The following MCF2L variants were observed in gnomAD, a reference collection of about 807,000 sequenced individuals.
MCF2L encodes the protein guanine nucleotide exchange factor DBS.
In MCF2L, 97 loss-of-function variants were observed where a neutral mutation model predicts 153.4. That is an observed-to-expected ratio of 0.63 (90% CI 0.54 to 0.75). The LOEUF is 0.75. Ranked by LOEUF, MCF2L falls within the 30% of genes least tolerant of loss-of-function variation. MCF2L has a pLI of 0.00. For missense variants in MCF2L, 1,347 were observed against 1,495.2 expected (o/e 0.90, Z 1.64); for synonymous variants, 659 against 632.2 (o/e 1.04, Z -0.64).
chr13:112,931,844 C>T (rs1033448192), intron 2 of MCF2L, among the ~76,000 whole-genome samples: 5 of 152,130 alleles, frequency 3.3e-5, no homozygotes, highest in East Asian at 1.9e-4. Context: ...GCAGGAACCA[C>T]CGAACACTCC....
At chr13:112,962,184 CGCATGCACAA>C (rs2081837974) in intron 2 of MCF2L, among the ~76,000 whole-genome samples, 1 of 150,920 alleles carries the variant, frequency 6.6e-6, no homozygotes, top group Non-Finnish European at 1.5e-5. Flanking sequence ...TGCACACACA[CGCATGCACAA>C]ACATGCTCAC....
chr13:113,000,812 G>A (rs1320673226), intron 1 of MCF2L, among the ~76,000 whole-genome samples: 7 of 152,334 alleles, frequency 4.6e-5, no homozygotes, highest in African/African-American at 7.2e-5. Context: ...GGAGAAAGGC[G>A]CCGGAAGAGG....
chr13:112,908,582 C>T (rs2081196134), intron 2 of MCF2L, among the ~76,000 whole-genome samples: 1 of 152,128 alleles, frequency 6.6e-6, no homozygotes, highest in African/African-American at 2.4e-5. Flanking sequence ...GGGGTTTCTG[C>T]CTGAGTGCTC....
chr13:112,928,892 C>T (rs887416542), intron 2 of MCF2L, among the ~76,000 whole-genome samples: 3 of 152,216 alleles, frequency 2.0e-5, no homozygotes, highest in Non-Finnish European at 2.9e-5. Context: ...GAGGTCTGCG[C>T]CTCCTCCCAG....
chr13:113,007,943 G>T (rs1332296366), intron 1 of MCF2L, among the ~76,000 whole-genome samples: 7 of 138,322 alleles, frequency 5.1e-5, no homozygotes, highest in Non-Finnish European at 6.1e-5. Flanking sequence ...TTGAGATGGA[G>T]TCTCGCTCTG....
chr13:112,937,776 G>T (rs1433473404), intron 2 of MCF2L, among the ~76,000 whole-genome samples: 3 of 151,578 alleles, frequency 2.0e-5, no homozygotes, highest in African/African-American at 7.3e-5. Context: ...TGAGGGGTTG[G>T]TTCAGGTGAG....
rs1332243236 is a variant in MCF2L, at chr13:112,993,969, A to G, written c.80-20794A>G. On this transcript the variant is annotated intron_variant, in intron 1 of 29. Transcript: ENST00000535094. The surrounding 1 kb of genome is among the most constrained non-coding windows in gnomAD (Gnocchi z 4.6). ...TCACAACAGCAGCAAACACACCTTC[A>G]TTTTAAAGACAGCAGAGGAGGGGTG... Among the ~76,000 whole-genome samples the G allele has an allele frequency of 1.9e-5, 2 of 102,914 alleles. No homozygotes were observed. Among genetic ancestry groups the G allele is most frequent in the African/African-American group, 3.8e-5 (1 of 26,432 alleles). The allele number at this position is 102,914 out of a possible 152,430, so 67.5% of individuals were successfully genotyped here. A position where few individuals can be genotyped will look rare whatever the true frequency, so the allele number is the denominator to read the frequency against.
At chr13:112,928,295 T>C (rs1352294172) in intron 2 of MCF2L, among the ~76,000 whole-genome samples, 1 of 152,234 alleles carries the variant, frequency 6.6e-6, no homozygotes, top group Non-Finnish European at 1.5e-5. Flanking sequence ...TTCTATGATT[T>C]AAAGAAAACT....
chr13:113,007,751 C>T (rs1018396661), intron 1 of MCF2L, among the ~76,000 whole-genome samples: 7 of 152,256 alleles, frequency 4.6e-5, no homozygotes, highest in South Asian at 2.1e-4. Flanking sequence ...CCACTTCAGG[C>T]GGCTCTGTGT....
intron 9 of MCF2L, among the ~76,000 whole-genome samples, chr13:113,072,351 C>T (rs1242017201): frequency 6.6e-6 from 1 of 152,176 alleles, no homozygotes; most frequent in Non-Finnish European, 1.5e-5. Context: ...CACCCTGCCC[C>T]ACTGCGTACT....
intron 1 of MCF2L, among the ~76,000 whole-genome samples, chr13:112,986,527 CA>C (rs1288043855): frequency 7.9e-5 from 12 of 152,250 alleles, no homozygotes; most frequent in Non-Finnish European, 1.2e-4. Flanking sequence ...ACCCACCGCA[CA>C]GGGGTGTTTA....
At chr13:113,094,779 C>T (rs2035509639) in intron 27 of MCF2L, 144 bp downstream of exon 27, 2 of 1,180,946 alleles carry the variant, frequency 1.7e-6, no homozygotes, top group Non-Finnish European at 1.2e-6. Flanking sequence ...GGGCCTGGGT[C>T]TTACGGGCAG....
At chr13:113,020,120 C>T (rs1316935604) in intron 2 of MCF2L, among the ~76,000 whole-genome samples, 1 of 152,234 alleles carries the variant, frequency 6.6e-6, no homozygotes, top group African/African-American at 2.4e-5. Context: ...GTCATCTCCA[C>T]ACTGGCAGGA....
chr13:113,058,190 T>C, intron 4 of MCF2L, among the ~76,000 whole-genome samples: 1 of 149,790 alleles, frequency 6.7e-6, no homozygotes, highest in Admixed American at 6.6e-5. Flanking sequence ...GGGCACTATG[T>C]GGGCATTGAG....
intron 2 of MCF2L, among the ~76,000 whole-genome samples, chr13:112,939,952 T>C (rs956546744): frequency 2.7e-5 from 4 of 148,706 alleles, no homozygotes; most frequent in Non-Finnish European, 5.9e-5. Flanking sequence ...CTGGAAGACA[T>C]AGTGAGACTC....
Position 113,053,003 on chromosome 13 carries a change from A to G in MCF2L, c.370-7590A>G, listed in dbSNP as rs1481344840. ...ACACATCACACACAAACACACACAT[A>G]TATGCACATATACACACATCACATA... is the stretch of plus-strand genomic sequence containing the variant. On this transcript the variant is annotated intron_variant, in intron 4 of 29. Coordinates refer to ENST00000535094, the MANE Select transcript of MCF2L (RefSeq NM_001112732.3). This position sits in a 1 kb window ranked among gnomAD's most constrained non-coding sequence, Gnocchi z 4.4. 6.6e-6 allele frequency among the ~76,000 whole-genome samples: 1 copy of G among 152,066 alleles called. No homozygotes were observed. Among genetic ancestry groups the G allele is most frequent in the African/African-American group, 2.4e-5 (1 of 41,392 alleles).
intron 1 of MCF2L, among the ~76,000 whole-genome samples, chr13:112,987,254 G>A (rs1055091105): frequency 1.2e-4 from 18 of 150,762 alleles, no homozygotes; most frequent in African/African-American, 2.7e-4. Context: ...CCCTTCCAGC[G>A]CTTTCCCGAA....
At position 112,941,243 on chromosome 13, in the gene MCF2L, T is replaced by C. The variant is rs2081572300; in HGVS notation, c.169+38872T>C. Among the ~76,000 whole-genome samples the C allele has an allele frequency of 6.6e-6, 1 of 151,766 alleles. No homozygotes were observed. The highest frequency in any genetic ancestry group is 6.6e-5 in the Admixed American group (1 of 15,240). ...AACATAGTTCCTGGGATGTGTCCTG[T>C]TCACAAAGCCCAGGGTACAGGTCTG... is the stretch of plus-strand genomic sequence containing the variant. On this transcript the variant is annotated intron_variant, in intron 2 of 29. Transcript: ENST00000375608. This position sits in a 1 kb window ranked among gnomAD's most constrained non-coding sequence, Gnocchi z 4.9.
At chr13:113,023,886 G>A (rs1286703930) in intron 2 of MCF2L, among the ~76,000 whole-genome samples, 1 of 152,258 alleles carries the variant, frequency 6.6e-6, no homozygotes, top group Non-Finnish European at 1.5e-5. Flanking sequence ...GCAGGTGGAT[G>A]CAGGGTCGTG....
Sources: allele counts gnomAD v4.1 joint callset (sites outside exome capture counted in the v4.1 genomes callset), GRCh38; gene constraint gnomAD v4.1.1; non-coding constraint Gnocchi (gnomAD v3.1); transcripts MANE v1.5; gene names NCBI Gene and HGNC (gene_info 2026-07-23, HGNC 2026-07-21).